The following ILRUN variants were observed in gnomAD, a reference collection of about 807,000 sequenced individuals.
The protein encoded by ILRUN is inflammation and lipid regulator with UBA-like and NBR1-like domains.
In ILRUN, 3 loss-of-function variants were observed where a neutral mutation model predicts 33.8. That is an observed-to-expected ratio of 0.09 (90% CI 0.04 to 0.23). The LOEUF (loss-of-function observed/expected upper bound fraction) is 0.23, where lower values mean the gene tolerates loss of function less well. Among genes scored for constraint, ILRUN ranks in the 10% least tolerant of loss-of-function variants. ILRUN has a pLI of 1.00. For missense variants in ILRUN, 210 were observed against 375.1 expected, an observed-to-expected ratio of 0.56 and a Z score of 3.64; for synonymous variants, 124 against 138.9, an observed-to-expected ratio of 0.89 and a Z score of 0.75.
At chr6:34,682,021 C>CTTTTTTTTTTTTTTTTTT (rs1377020252) in intron 1 of ILRUN, among the ~76,000 whole-genome samples, 3 of 130,014 alleles carry the variant, frequency 2.3e-5, no homozygotes, top group African/African-American at 5.9e-5. Context: ...CCCACTAATT[C>CTTTTTTTTTTTTTTTTTT]TTATATTTTT....
rs547325660 is a variant in ILRUN, at chr6:34,657,179, G to GAATC, written c.159-2401_159-2400insGATT. Among the ~76,000 whole-genome samples the GAATC allele has an allele frequency of 4.0e-4, 61 of 152,294 alleles. No individual in the cohort carries two copies. In the South Asian group the frequency reaches 0.01, roughly 26 times the overall value. ...GGAAAAGCTGTATGTCTACCGTTTTGAAAACAGAATTTTTTTGCAGCAGGT... is the reference window on the plus strand; with the variant it reads ...GGAAAAGCTGTATGTCTACCGTTTTGAATCAAAACAGAATTTTTTTGCAGCAGGT... On this transcript the variant is annotated intron_variant, in intron 1 of 4. Coordinates refer to ENST00000374023, the MANE Select transcript of ILRUN (RefSeq NM_024294.4).
intron 3 of ILRUN, among the ~76,000 whole-genome samples, chr6:34,609,518 A>C (rs1047612535): frequency 3.3e-5 from 5 of 152,134 alleles, no homozygotes; most frequent in Non-Finnish European, 7.4e-5. Flanking sequence ...GGAATCTTAA[A>C]GTATCATACA....
rs771325811 is a variant in ILRUN, at chr6:34,606,579, GTTGT to G, written c.833_836del (p.Asn278ThrfsTer4). On this transcript the variant is annotated frameshift_variant, in exon 4 of 5. Transcript: ENST00000374023. LOFTEE classifies it high-confidence loss of function. ...CCTTACTGTAAGTCACTACTGATAAGTTGTTTGCGTGACTGCTGGGAGACAGATT... is the reference window on the plus strand; with the variant it reads ...CCTTACTGTAAGTCACTACTGATAAGTTGCGTGACTGCTGGGAGACAGATT... 5.0e-6 allele frequency: 8 copies of G among 1,613,982 alleles called. No individual in the cohort carries two copies. Among genetic ancestry groups the G allele is most frequent in the Non-Finnish European group, 6.8e-6 (8 of 1,179,906 alleles).
intron 4 of ILRUN, among the ~76,000 whole-genome samples, chr6:34,602,387 G>A (rs887351360): frequency 3.9e-5 from 6 of 152,074 alleles, no homozygotes; most frequent in Non-Finnish European, 5.9e-5. Flanking sequence ...TGGCATATAA[G>A]AAAAAGGCAT....
chr6:34,683,522 A>G (rs796436604), intron 1 of ILRUN, among the ~76,000 whole-genome samples: 16 of 89,438 alleles, frequency 1.8e-4, no homozygotes, highest in African/African-American at 9.2e-4. Flanking sequence ...ATACATATAT[A>G]TATATACATA....
chr6:34,617,050 T>C (rs568823319), intron 3 of ILRUN: 10 of 528,756 alleles, frequency 1.9e-5, no homozygotes, highest in South Asian at 1.3e-4. Flanking sequence ...CTCGACCTCT[T>C]GGTAAATATG....
intron 3 of ILRUN, among the ~76,000 whole-genome samples, chr6:34,618,359 C>T (rs1761941777): frequency 6.6e-6 from 1 of 152,194 alleles, no homozygotes; most frequent in African/African-American, 2.4e-5. Context: ...ACCTAGTTTG[C>T]TATAGCCATC....
At chr6:34,613,631 A>G (rs1211576515) in intron 3 of ILRUN, among the ~76,000 whole-genome samples, 1 of 152,244 alleles carries the variant, frequency 6.6e-6, no homozygotes, top group African/African-American at 2.4e-5. Context: ...GATATTATAG[A>G]TAAGCAAGAA....
At chr6:34,643,501 T>A (rs1298722473) in intron 3 of ILRUN, among the ~76,000 whole-genome samples, 1 of 152,110 alleles carries the variant, frequency 6.6e-6, no homozygotes, top group East Asian at 1.9e-4. Context: ...CTACCTTCTT[T>A]TTGTTTCCTA....
Position 34,651,789 on chromosome 6 carries a change from CTTTTTT to C in ILRUN, c.313+2830_313+2835del, listed in dbSNP as rs11288958. On this transcript the variant is annotated intron_variant, in intron 2 of 4. Transcript: ENST00000374023. ...TATCTCACTGGTAGATTCCAAAAAA[CTTTTTT>C]TTTTTTTTTTTTTTTGAGATGGAGT... Among the ~76,000 whole-genome samples, 4 of 102,806 alleles carry C rather than the reference CTTTTTT, an allele frequency of 3.9e-5. No homozygotes were observed. In the South Asian group the frequency reaches 1.2e-3, roughly 30 times the overall value. 67.4% of individuals were successfully genotyped at this position (102,806 alleles called of 152,430 possible). A position where few individuals can be genotyped will look rare whatever the true frequency, so the allele number is the denominator to read the frequency against.
chr6:34,680,389 T>C (rs1380976342), intron 1 of ILRUN, among the ~76,000 whole-genome samples: 1 of 152,212 alleles, frequency 6.6e-6, no homozygotes, highest in Non-Finnish European at 1.5e-5. Context: ...GGTCCCATTA[T>C]TATCGCTTAT....
chr6:34,682,388 G>A (rs908435988), intron 1 of ILRUN, among the ~76,000 whole-genome samples: 6 of 151,406 alleles, frequency 4.0e-5, no homozygotes, highest in Admixed American at 4.0e-4. Flanking sequence ...CTCCTGAGTA[G>A]CTGGGACTAC....
intron 3 of ILRUN, among the ~76,000 whole-genome samples, chr6:34,617,495 C>T (rs1277504827): frequency 6.6e-6 from 1 of 152,166 alleles, no homozygotes; most frequent in Non-Finnish European, 1.5e-5. Context: ...TTACTCAGCA[C>T]AGTAGCCACG....
At chr6:34,614,953 A>C (rs1314672409) in intron 3 of ILRUN, among the ~76,000 whole-genome samples, 1 of 152,224 alleles carries the variant, frequency 6.6e-6, no homozygotes, top group African/African-American at 2.4e-5. Context: ...GTCAAGGGTC[A>C]TGAAAAACAC....
intron 1 of ILRUN, among the ~76,000 whole-genome samples, chr6:34,662,315 A>G (rs575927575): frequency 4.4e-4 from 67 of 151,448 alleles, no homozygotes; most frequent in African/African-American, 1.3e-3. Flanking sequence ...CAAAAAAAAA[A>G]AAAAAGAAAA....
At chr6:34,630,557 T>C (rs1442609204) in intron 3 of ILRUN, among the ~76,000 whole-genome samples, 1 of 152,208 alleles carries the variant, frequency 6.6e-6, no homozygotes, top group East Asian at 1.9e-4. Context: ...CTAATTTTTG[T>C]ATTTTTAATA....
At chr6:34,674,962 T>C (rs1763197354) in intron 1 of ILRUN, among the ~76,000 whole-genome samples, 1 of 151,982 alleles carries the variant, frequency 6.6e-6, no homozygotes, top group Non-Finnish European at 1.5e-5. Context: ...TAACTGGACA[T>C]GCGCACCAAT....
intron 3 of ILRUN, among the ~76,000 whole-genome samples, chr6:34,622,653 G>A (rs139896829): frequency 6.7e-4 from 102 of 152,278 alleles, no homozygotes; most frequent in Middle Eastern, 3.4e-3. Flanking sequence ...TGTGCTGTTA[G>A]GAATGTAAAT....
Position 34,589,620 on chromosome 6 carries a change from TGCATACATATAACCA to T in ILRUN, c.*930_*944del, listed in dbSNP as rs1413574394. 2 of 152,202 alleles carry T rather than the reference TGCATACATATAACCA, an allele frequency of 1.3e-5. No homozygotes were observed. Among genetic ancestry groups the T allele is most frequent in the Non-Finnish European group, 2.9e-5 (2 of 68,046 alleles). The allele number at this position is 152,202 out of a possible 1,614,324, so 9.4% of individuals were successfully genotyped here. Reference sequence around the variant, plus strand: ...CCAACACCCGTGTGTGCACATGTGGTGCATACATATAACCAGCACAGAGGCACTGTTCCCAGAGCA... The same window carrying T: ...CCAACACCCGTGTGTGCACATGTGGTGCACAGAGGCACTGTTCCCAGAGCA... On this transcript the variant is annotated 3_prime_UTR_variant, in exon 5 of 5. Coordinates refer to ENST00000374023, the MANE Select transcript of ILRUN (RefSeq NM_024294.4).
Sources: gnomAD v4.1 joint callset for allele counts (sites outside exome capture counted in the v4.1 genomes callset) on GRCh38, gnomAD v4.1.1 for gene constraint, MANE v1.5 for transcripts, NCBI Gene and HGNC (gene_info 2026-07-23, HGNC 2026-07-21) for gene names.